The following NSMAF variants were observed in gnomAD, a reference collection of about 807,000 sequenced individuals.
NSMAF encodes the protein protein FAN.
Under a neutral mutation model 134.9 loss-of-function variants are expected in NSMAF, and 90 were observed. The ratio of observed to expected loss-of-function variants is 0.67; its 90% confidence interval spans 0.56 to 0.79. The LOEUF (loss-of-function observed/expected upper bound fraction) is 0.79, where lower values mean the gene tolerates loss of function less well. Ranked by LOEUF, NSMAF falls within the 30% of genes least tolerant of loss-of-function variation. NSMAF has a pLI of 0.00. For synonymous variants in NSMAF, 358 were observed against 389.6 expected, an observed-to-expected ratio of 0.92 and a Z score of 0.96; for missense variants, 1,010 against 1,119.0, an observed-to-expected ratio of 0.90 and a Z score of 1.39.
At position 58,589,562 on chromosome 8, in the gene NSMAF, T is replaced by C; in HGVS notation, c.2101A>G (p.Ile701Val). 6.4e-7 allele frequency: 1 copy of C among 1,567,106 alleles called. No individual in the cohort carries two copies. Among genetic ancestry groups the C allele is most frequent in the Non-Finnish European group, 8.6e-7 (1 of 1,166,482 alleles). The change falls in exon 26 of 31, where the codon ATA (isoleucine) becomes GTA (valine). Residue 701 changes from isoleucine (I) to valine (V), a missense_variant. Coordinates refer to ENST00000038176, the MANE Select transcript of NSMAF (RefSeq NM_003580.4). Reference protein sequence around the residue: ...SWDNNVYFYSIAFGRRQDTLM... With the variant: ...SWDNNVYFYSVAFGRRQDTLM... ...GTGTCCTGGCGTCTTCCAAATGCTA[T>C]GGAATAAAAATAGCTAAAAGATAAT...
intron 23 of NSMAF, among the ~76,000 whole-genome samples, chr8:58,592,792 C>T (rs761023910): frequency 8.6e-5 from 13 of 151,842 alleles, no homozygotes; most frequent in African/African-American, 2.4e-4. Flanking sequence ...GAGGCTGAGG[C>T]GGGAGAATCG....
intron 9 of NSMAF, among the ~76,000 whole-genome samples, chr8:58,615,063 C>T (rs1806627345): frequency 6.6e-6 from 1 of 151,958 alleles, no homozygotes; most frequent in Admixed American, 6.6e-5. Flanking sequence ...TAAAGGAAGA[C>T]AAAGCAGGCT....
intron 9 of NSMAF, among the ~76,000 whole-genome samples, chr8:58,622,514 C>T (rs1000378101): frequency 5.3e-5 from 8 of 152,088 alleles, no homozygotes; most frequent in Non-Finnish European, 1.2e-4. Context: ...CTGCCTCAGC[C>T]TCCTGAGTAG....
At chr8:58,615,697 A>G (rs1264836767) in intron 9 of NSMAF, among the ~76,000 whole-genome samples, 1 of 152,242 alleles carries the variant, frequency 6.6e-6, no homozygotes, top group Non-Finnish European at 1.5e-5. Flanking sequence ...AGAGAAAATT[A>G]TAAGTTTAAG....
At chr8:58,601,168 T>C in intron 16 of NSMAF, 117 bp downstream of exon 16, 1 of 838,934 alleles carries the variant, frequency 1.2e-6, no homozygotes, top group Non-Finnish European at 1.9e-6. Flanking sequence ...GATAGAACAA[T>C]TAGTGATTTT....
chr8:58,653,477 A>G (rs188485341), intron 1 of NSMAF, among the ~76,000 whole-genome samples: 1 of 152,258 alleles, frequency 6.6e-6, no homozygotes, highest in East Asian at 1.9e-4. Flanking sequence ...AATAGTGAAA[A>G]GTAAAACAAT....
intron 28 of NSMAF, among the ~76,000 whole-genome samples, 175 bp from the exon 29 acceptor site, chr8:58,586,175 G>A (rs1017827257): frequency 2.6e-5 from 4 of 152,274 alleles, no homozygotes; most frequent in South Asian, 4.1e-4. Context: ...TTTCCAAGAT[G>A]TAAGGATGAG....
At chr8:58,633,663 T>A (rs747073629) in intron 5 of NSMAF, among the ~76,000 whole-genome samples, 2 of 152,172 alleles carry the variant, frequency 1.3e-5, no homozygotes, top group Non-Finnish European at 2.9e-5. Context: ...GTCGAATCTG[T>A]TATTCATATA....
chr8:58,659,543 G>A, intron 1 of NSMAF, 30 bp downstream of exon 1: 1 of 1,523,890 alleles, frequency 6.6e-7, no homozygotes, highest in Non-Finnish European at 8.8e-7. Flanking sequence ...CTAGGCCCCC[G>A]GCTGGGCCCT....
At chr8:58,588,334 C>CTTT in intron 26 of NSMAF, 14 of 669,246 alleles carry the variant, frequency 2.1e-5, no homozygotes, top group Admixed American at 5.2e-5. Flanking sequence ...TTGACATTTT[C>CTTT]TTTTTTTTTT....
chr8:58,591,640 C>G (rs530475622), intron 23 of NSMAF, among the ~76,000 whole-genome samples: 1 of 152,012 alleles, frequency 6.6e-6, no homozygotes, highest in African/African-American at 2.4e-5. Flanking sequence ...GACGTGCACA[C>G]CACGGCTGGC....
At chr8:58,655,506 C>A (rs72647464) in intron 1 of NSMAF, among the ~76,000 whole-genome samples, 1 of 151,482 alleles carries the variant, frequency 6.6e-6, no homozygotes, top group Non-Finnish European at 1.5e-5. Context: ...CTCGAGTGAT[C>A]TTCCCACCTT....
chr8:58,607,012 A>G (rs1422391317), intron 11 of NSMAF, among the ~76,000 whole-genome samples: 1 of 152,238 alleles, frequency 6.6e-6, no homozygotes, highest in African/African-American at 2.4e-5. Context: ...AGTGCTGGAA[A>G]TGGAGGAATG....
In NSMAF at chr8:58,631,509, T is replaced by C. The variant is rs1193620129; in HGVS notation, c.371A>G (p.Tyr124Cys). ...FIKEHNVVAPYKIERGKMEYV... is the reference protein window; with the variant it reads ...FIKEHNVVAPCKIERGKMEYV... Reference sequence around the variant, plus strand: ...AGCTTTACTTACCCTTTCTATTTTATATGGTGCAACAACATTATGTTCTTT... The same window carrying C: ...AGCTTTACTTACCCTTTCTATTTTACATGGTGCAACAACATTATGTTCTTT... The change falls in exon 6 of 31, where the codon TAT (tyrosine) becomes TGT (cysteine). Residue 124 changes from tyrosine to cysteine, a missense_variant. Coordinates refer to ENST00000038176, the MANE Select transcript of NSMAF (RefSeq NM_003580.4). 2.6e-6 allele frequency: 4 copies of C among 1,512,568 alleles called. No homozygotes were observed. The highest frequency in any genetic ancestry group is 2.8e-5 in the African/African-American group (2 of 70,982). The allele number at this position is 1,512,568 out of a possible 1,614,324, so 93.7% of individuals were successfully genotyped here. A position where few individuals can be genotyped will look rare whatever the true frequency, so the allele number is the denominator to read the frequency against.
intron 9 of NSMAF, among the ~76,000 whole-genome samples, chr8:58,612,429 C>A (rs1806550259): frequency 6.6e-6 from 1 of 152,198 alleles, no homozygotes; most frequent in Non-Finnish European, 1.5e-5. Flanking sequence ...CCAGATATCA[C>A]CCTATGCATC....
intron 9 of NSMAF, among the ~76,000 whole-genome samples, chr8:58,612,449 G>T (rs2129142780): frequency 6.6e-6 from 1 of 152,228 alleles, no homozygotes; most frequent in South Asian, 2.1e-4. Context: ...CTTCTCATCT[G>T]GCTGTTCATC....
chr8:58,607,899 CTA>C lies in NSMAF; in HGVS notation c.688-61_688-60del, dbSNP rs1253351336. The stretch of plus-strand genomic sequence containing the variant: ...TGTTCTGACACAATTAGAAGTTGTT[CTA>C]TAGTATCAGAAAGGGGAAAAAAAAA... On this transcript the variant is annotated intron_variant, in intron 10 of 30. Transcript: ENST00000038176. 3 of 1,388,858 alleles carry C rather than the reference CTA, an allele frequency of 2.2e-6. No individual in the cohort carries two copies. The African/African-American group carries it at 4.3e-5, about 20-fold the overall frequency. The allele number at this position is 1,388,858 out of a possible 1,614,324, so 86.0% of individuals were successfully genotyped here.
intron 18 of NSMAF, 74 bp downstream of exon 18, chr8:58,599,676 A>G: frequency 6.7e-7 from 1 of 1,503,438 alleles, no homozygotes; most frequent in Non-Finnish European, 9.0e-7. Context: ...AAATCTAAGC[A>G]ATAAAATAAT....
intron 10 of NSMAF, among the ~76,000 whole-genome samples, chr8:58,609,246 C>A (rs1250795817): frequency 6.6e-6 from 1 of 152,176 alleles, no homozygotes; most frequent in Non-Finnish European, 1.5e-5. Context: ...ATTTCAAAAT[C>A]TATTTCTTAT....
Sources: allele counts gnomAD v4.1 joint callset (sites outside exome capture counted in the v4.1 genomes callset), GRCh38; gene constraint gnomAD v4.1.1; transcripts MANE v1.5; gene names NCBI Gene and HGNC (gene_info 2026-07-23, HGNC 2026-07-21).